Variants in PPP2R2B observed in about 807,000 individuals in gnomAD.
PPP2R2B encodes the protein protein phosphatase 2 regulatory subunit Bbeta, also known as serine/threonine-protein phosphatase 2A 55 kDa regulatory subunit B beta isoform.
PPP2R2B carries 5 observed loss-of-function variants against 46.0 expected under a neutral mutation model. The observed-to-expected ratio is 0.11, with a 90% confidence interval of 0.06 to 0.23. PPP2R2B has a LOEUF of 0.23. PPP2R2B is among the 10% of genes least tolerant of loss of function. PPP2R2B has a pLI of 1.00. For synonymous variants in PPP2R2B, 215 were observed against 206.7 expected, an observed-to-expected ratio of 1.04 and a Z score of -0.34; for missense variants, 367 against 575.0, an observed-to-expected ratio of 0.64 and a Z score of 3.70.
intron 2 of PPP2R2B, among the ~76,000 whole-genome samples, chr5:146,710,761 A>T (rs1325555840): frequency 2.6e-5 from 4 of 152,268 alleles, no homozygotes; most frequent in Non-Finnish European, 4.4e-5. Flanking sequence ...CCCCAAAGTC[A>T]GCAGGACTCC....
chr5:146,799,659 A>G (rs750092472), intron 2 of PPP2R2B, among the ~76,000 whole-genome samples: 1 of 152,242 alleles, frequency 6.6e-6, no homozygotes, highest in Non-Finnish European at 1.5e-5. Context: ...CAGATAGAGG[A>G]GATCACCATC....
At chr5:146,824,917 T>C (rs1341730682) in intron 2 of PPP2R2B, among the ~76,000 whole-genome samples, 1 of 152,090 alleles carries the variant, frequency 6.6e-6, no homozygotes, top group Non-Finnish European at 1.5e-5. Context: ...GAGACAGGGC[T>C]TCACCATGTT....
At chr5:146,937,335 C>T (rs1465453885) in intron 1 of PPP2R2B, among the ~76,000 whole-genome samples, 2 of 151,558 alleles carry the variant, frequency 1.3e-5, no homozygotes, top group Non-Finnish European at 2.9e-5. Context: ...CTAGTAACTT[C>T]CCCACAGATA....
intron 2 of PPP2R2B, among the ~76,000 whole-genome samples, chr5:146,747,712 T>C (rs537564316): frequency 6.6e-6 from 1 of 152,314 alleles, no homozygotes; most frequent in East Asian, 1.9e-4. Context: ...GACACATAAT[T>C]CCATTGTAAG....
intron 9 of PPP2R2B, among the ~76,000 whole-genome samples, chr5:146,591,688 AAAG>A (rs1770680475): frequency 6.6e-6 from 1 of 152,072 alleles, no homozygotes; most frequent in African/African-American, 2.4e-5. Context: ...AAAAAAAAAA[AAAG>A]ACTACCAACC....
rs142361548 is a variant in PPP2R2B at position 147,009,966 on chromosome 5, G to A, written c.79+45699C>T. On this transcript the variant is annotated intron_variant, in intron 1 of 8. Coordinates refer to the PPP2R2B transcript ENST00000336640. Reference sequence around the variant, plus strand: ...CTCACTATAGCCATTCTAACACAGAGGTGTTGTGACTATTAAATGAGATGA... The same window carrying A: ...CTCACTATAGCCATTCTAACACAGAAGTGTTGTGACTATTAAATGAGATGA... 9.2e-5 allele frequency among the ~76,000 whole-genome samples: 14 copies of A among 151,750 alleles called. No individual in the cohort carries two copies. The East Asian group carries it at 2.7e-3, about 29-fold the overall frequency.
At chr5:146,805,674 G>A (rs902065012) in intron 2 of PPP2R2B, among the ~76,000 whole-genome samples, 4 of 151,984 alleles carry the variant, frequency 2.6e-5, no homozygotes, top group Admixed American at 6.6e-5. Context: ...TTGCACCCTA[G>A]GAAAAAAATG....
chr5:146,705,992 A>G (rs1779817724), intron 2 of PPP2R2B, among the ~76,000 whole-genome samples: 1 of 152,132 alleles, frequency 6.6e-6, no homozygotes, highest in Non-Finnish European at 1.5e-5. Context: ...AAACAAAACA[A>G]AACAAAACAA....
chr5:147,022,399 T>TA (rs34830622), intron 1 of PPP2R2B, among the ~76,000 whole-genome samples: 8,125 of 135,518 alleles, frequency 0.06, 568 homozygotes, highest in African/African-American at 0.19. Context: ...TCTGCTAAAA[T>TA]AAAAAAAAAA....
intron 2 of PPP2R2B, among the ~76,000 whole-genome samples, chr5:146,730,271 T>A (rs1752147837): frequency 1.3e-5 from 2 of 152,226 alleles, no homozygotes; most frequent in Admixed American, 6.5e-5. Flanking sequence ...ATTTATCCAA[T>A]ACCTGTACCC....
intron 2 of PPP2R2B, among the ~76,000 whole-genome samples, chr5:147,075,159 T>C (rs966423074): frequency 1.3e-5 from 2 of 152,192 alleles, no homozygotes; most frequent in African/African-American, 4.8e-5. Context: ...ATTTTTACCA[T>C]ATAAAGTACT....
intron 2 of PPP2R2B, among the ~76,000 whole-genome samples, chr5:146,743,211 G>A (rs939830759): frequency 2.0e-5 from 3 of 152,128 alleles, no homozygotes; most frequent in Non-Finnish European, 4.4e-5. Context: ...TGTCATAAAC[G>A]ATTGATGGGT....
At chr5:146,628,493 T>C (rs1204740180) in intron 7 of PPP2R2B, among the ~76,000 whole-genome samples, 1 of 152,230 alleles carries the variant, frequency 6.6e-6, no homozygotes, top group Admixed American at 6.5e-5. Flanking sequence ...CCATCGCTAC[T>C]GCTGAGGTGA....
intron 1 of PPP2R2B, among the ~76,000 whole-genome samples, chr5:147,052,820 A>C (rs1346370390): frequency 6.6e-6 from 1 of 152,068 alleles, no homozygotes; most frequent in Non-Finnish European, 1.5e-5. Flanking sequence ...CATATTTTTA[A>C]AAATTATTCT....
intron 1 of PPP2R2B, among the ~76,000 whole-genome samples, chr5:146,999,701 C>G (rs1180002841): frequency 6.6e-6 from 1 of 152,154 alleles, no homozygotes. Flanking sequence ...GTAAATATGG[C>G]ATAGAACATG....
In PPP2R2B at chr5:146,714,071, GA is replaced by G. The variant is rs1780349866; in HGVS notation, c.71-12930del. ...CTGAACAGTAGGGCACTCCAACATT[GA>G]AAAAGTTGGGGACAGAAGAAGAAAA... On this transcript the variant is annotated intron_variant, in intron 2 of 9. Coordinates refer to ENST00000394411, the MANE Select transcript of PPP2R2B (RefSeq NM_181675.4). Among the ~76,000 whole-genome samples the G allele has an allele frequency of 5.3e-5, 8 of 152,024 alleles. No individual in the cohort carries two copies. In the South Asian group the frequency reaches 1.7e-3, roughly 32 times the overall value.
At chr5:146,694,362 T>C (rs1399324961) in intron 4 of PPP2R2B, among the ~76,000 whole-genome samples, 1 of 152,218 alleles carries the variant, frequency 6.6e-6, no homozygotes, top group African/African-American at 2.4e-5. Flanking sequence ...GTCACGTGAT[T>C]AGCTCTTGAT....
chr5:147,034,336 CA>C (rs1298856510), intron 1 of PPP2R2B, among the ~76,000 whole-genome samples: 2 of 152,122 alleles, frequency 1.3e-5, no homozygotes, highest in Non-Finnish European at 2.9e-5. Flanking sequence ...ATAGCTAACT[CA>C]AGTTATTTTC....
intron 2 of PPP2R2B, among the ~76,000 whole-genome samples, chr5:146,701,899 T>G (rs1381258689): frequency 1.3e-5 from 2 of 152,174 alleles, no homozygotes; most frequent in African/African-American, 4.8e-5. Flanking sequence ...CTGCCAAGTC[T>G]TTCTTCTATG....
Sources: allele counts gnomAD v4.1 joint callset (sites outside exome capture counted in the v4.1 genomes callset), GRCh38; gene constraint gnomAD v4.1.1; transcripts MANE v1.5; gene names NCBI Gene and HGNC (gene_info 2026-07-23, HGNC 2026-07-21).